The following RPA3 variants were observed in gnomAD, a reference collection of about 807,000 sequenced individuals.
The protein encoded by RPA3 is replication protein A 14 kDa subunit.
A neutral mutation model predicts 13.7 loss-of-function variants in RPA3; 24 were observed. The observed-to-expected ratio is 1.75, with a 90% CI of 1.27 to 2.46. The LOEUF (loss-of-function observed/expected upper bound fraction) is 2.46. RPA3 is among the 30% of genes most tolerant of loss of function. RPA3 has a pLI of 0.00. For synonymous variants in RPA3, 59 were observed against 51.2 expected, an observed-to-expected ratio of 1.15 and a Z score of -0.65; for missense variants, 183 against 151.0, an observed-to-expected ratio of 1.21 and a Z score of -1.11.
chr7:7,666,092 A>G (rs755702287), intron 4 of RPA3, among the ~76,000 whole-genome samples: 5 of 152,234 alleles, frequency 3.3e-5, no homozygotes, highest in African/African-American at 9.6e-5. Context: ...TGTTGTCCAC[A>G]GTGGCTGTAC....
chr7:7,695,040 C>G (rs1269490653), intron 2 of RPA3, among the ~76,000 whole-genome samples: 1 of 152,174 alleles, frequency 6.6e-6, no homozygotes, highest in East Asian at 1.9e-4. Flanking sequence ...CATATCCTTG[C>G]CAGTGTTTGT....
chr7:7,714,858 T>C (rs950519967), intron 2 of RPA3, among the ~76,000 whole-genome samples: 3 of 149,940 alleles, frequency 2.0e-5, no homozygotes, highest in South Asian at 4.2e-4. Flanking sequence ...TTTTTCTTTT[T>C]TTTTTTTTTT....
chr7:7,646,480 AT>A (rs35948027), intron 4 of RPA3, among the ~76,000 whole-genome samples: 2,543 of 111,240 alleles, frequency 0.023, 67 homozygotes, highest in African/African-American at 0.077. Flanking sequence ...CTTTCGCTGG[AT>A]TTTTTTTTTT....
At chr7:7,644,752 T>A (rs1316554563) in intron 4 of RPA3, among the ~76,000 whole-genome samples, 1 of 152,218 alleles carries the variant, frequency 6.6e-6, no homozygotes, top group Non-Finnish European at 1.5e-5. Context: ...GTGTAGCTTA[T>A]CATAACTTTT....
At position 7,640,580 on chromosome 7, in the gene RPA3, C is replaced by G. The variant is rs868205241; in HGVS notation, c.-162G>C. 64 of 656,340 alleles carry G rather than the reference C, an allele frequency of 9.8e-5. 2 individuals carry two copies. In the Middle Eastern group the frequency reaches 6.6e-3, roughly 68 times the overall value. The allele number at this position is 656,340 out of a possible 1,614,324, so 40.7% of individuals were successfully genotyped here. On this transcript the variant is annotated 5_prime_UTR_variant, in exon 5 of 8. Coordinates refer to ENST00000223129, the MANE Select transcript of RPA3 (RefSeq NM_002947.5). ...GAAACCTAAATCGCAATCGCGCTGT[C>G]TCTGAAAGGGGTGGAGAAGGGGCTG...
At position 7,672,374 on chromosome 7, in the gene RPA3, G is replaced by A. The variant is rs28915990; in HGVS notation, c.-758+13456C>T. Among the ~76,000 whole-genome samples the A allele has an allele frequency of 2.7e-3, 410 of 152,270 alleles. 2 individuals carry two copies. The highest frequency in any genetic ancestry group is 0.014 in the South Asian group (68 of 4,834). On this transcript the variant is annotated intron_variant, in intron 4 of 7. Coordinates refer to ENST00000223129, the MANE Select transcript of RPA3 (RefSeq NM_002947.5). The stretch of plus-strand genomic sequence containing the variant: ...TGTATGTGTGCTTGTATTTGTGTGC[G>A]TGTGAGCATGTGTGTATGAGGGATG...
At chr7:7,666,418 G>A (rs958114422) in intron 4 of RPA3, among the ~76,000 whole-genome samples, 1 of 152,078 alleles carries the variant, frequency 6.6e-6, no homozygotes, top group Non-Finnish European at 1.5e-5. Flanking sequence ...ACGTTGCCCA[G>A]GCTGGTCATG....
chr7:7,677,648 A>G (rs935258812), intron 4 of RPA3, among the ~76,000 whole-genome samples: 3 of 137,818 alleles, frequency 2.2e-5, no homozygotes, highest in Non-Finnish European at 4.7e-5. Flanking sequence ...TTCTTTATCT[A>G]TTCATCTGTT....
chr7:7,683,019 C>T (rs1779950604), intron 4 of RPA3, among the ~76,000 whole-genome samples: 1 of 152,200 alleles, frequency 6.6e-6, no homozygotes, highest in South Asian at 2.1e-4. Flanking sequence ...TAGGCCATCC[C>T]CGTGTGGGGT....
intron 4 of RPA3, among the ~76,000 whole-genome samples, chr7:7,644,146 T>G (rs1785041058): frequency 6.6e-6 from 1 of 152,224 alleles, no homozygotes; most frequent in Non-Finnish European, 1.5e-5. Flanking sequence ...TGAAGTGTTT[T>G]TTTGTCGTGA....
intron 6 of RPA3, 35 bp from the exon 7 acceptor site, chr7:7,638,007 T>C (rs368226176): frequency 1.5e-5 from 23 of 1,523,544 alleles, no homozygotes; most frequent in East Asian, 4.5e-5. Flanking sequence ...TTTGGTGATA[T>C]CACATTTTCA....
intron 4 of RPA3, among the ~76,000 whole-genome samples, chr7:7,648,719 T>TG (rs2115547925): frequency 6.6e-6 from 1 of 151,456 alleles, no homozygotes; most frequent in African/African-American, 2.4e-5. Flanking sequence ...GCCATGGTGG[T>TG]GTGTGTGCCT....
At chr7:7,640,061 G>A (rs1054258007) in intron 5 of RPA3, 8 of 495,436 alleles carry the variant, frequency 1.6e-5, no homozygotes, top group African/African-American at 1.4e-4. Flanking sequence ...TTTCCCTTAC[G>A]TAAGCACGGC....
intron 2 of RPA3, among the ~76,000 whole-genome samples, chr7:7,708,041 A>G (rs1195949075): frequency 6.6e-6 from 1 of 152,186 alleles, no homozygotes; most frequent in Admixed American, 6.6e-5. Flanking sequence ...AATTTGCTTC[A>G]TTAAGGTCTG....
chr7:7,638,661 T>A (rs1331397294), intron 6 of RPA3: 1 of 155,336 alleles, frequency 6.4e-6, no homozygotes, highest in Non-Finnish European at 1.4e-5. Flanking sequence ...CTTGGGAGGC[T>A]AAGGCTGCAG....
Position 7,690,718 on chromosome 7 carries a change from T to G in RPA3, c.-1027-3390A>C, listed in dbSNP as rs145075199. ...TGCTAAGGAGAGAAAGGAAGGTAAA[T>G]ATAGTATTGAGCTACCTTATATGAG... On this transcript the variant is annotated intron_variant, in intron 2 of 7. Transcript: ENST00000223129. Among the ~76,000 whole-genome samples, 772 of 152,226 alleles carry G rather than the reference T, an allele frequency of 5.1e-3. 7 individuals carry two copies. Among genetic ancestry groups the G allele is most frequent in the African/African-American group, 0.018 (733 of 41,522 alleles).
chr7:7,689,551 C>T (rs1442196677), intron 2 of RPA3: 1 of 152,148 alleles, frequency 6.6e-6, no homozygotes, highest in Non-Finnish European at 1.5e-5. Flanking sequence ...CGATGTTTGA[C>T]AGATGTGCTT....
At chr7:7,645,603 T>C (rs1227693090) in intron 4 of RPA3, among the ~76,000 whole-genome samples, 2 of 152,202 alleles carry the variant, frequency 1.3e-5, no homozygotes, top group Non-Finnish European at 2.9e-5. Context: ...GTTTATTAGA[T>C]TAAGGAATTT....
intron 4 of RPA3, among the ~76,000 whole-genome samples, chr7:7,651,688 G>T (rs1332421728): frequency 6.6e-6 from 1 of 152,160 alleles, no homozygotes; most frequent in African/African-American, 2.4e-5. Context: ...AAGTCAGAGG[G>T]ATGTACACAT....
Sources: allele counts gnomAD v4.1 joint callset (sites outside exome capture counted in the v4.1 genomes callset), GRCh38; gene constraint gnomAD v4.1.1; transcripts MANE v1.5; gene names NCBI Gene and HGNC (gene_info 2026-07-23, HGNC 2026-07-21).